PLXDC2: variants seen among roughly 807,000 people sequenced by gnomAD.
PLXDC2 encodes plexin domain-containing protein 2.
PLXDC2 carries 40 observed loss-of-function variants against 68.9 expected under a neutral mutation model. The observed-to-expected ratio is 0.58, with a 90% CI of 0.45 to 0.76. The LOEUF (loss-of-function observed/expected upper bound fraction) is 0.76, where lower values mean the gene tolerates loss of function less well. Ranked by LOEUF, PLXDC2 falls within the 30% of genes least tolerant of loss-of-function variation. PLXDC2 has a pLI of 0.00. For missense variants in PLXDC2, 644 were observed against 661.9 expected (o/e 0.97, Z 0.30); for synonymous variants, 243 against 234.2 (o/e 1.04, Z -0.34).
At chr10:20,051,325 A>G (rs1179096619) in intron 3 of PLXDC2, among the ~76,000 whole-genome samples, 2 of 150,330 alleles carry the variant, frequency 1.3e-5, no homozygotes, top group Non-Finnish European at 3.0e-5. Flanking sequence ...CCATACAACA[A>G]ATTCCTATAA....
At chr10:20,201,259 T>A (rs1834913463) in intron 9 of PLXDC2, among the ~76,000 whole-genome samples, 1 of 152,062 alleles carries the variant, frequency 6.6e-6, no homozygotes, top group Non-Finnish European at 1.5e-5. Flanking sequence ...GGACATTACA[T>A]TAAGTGTTTC....
chr10:20,098,159 G>T (rs1433869775), intron 4 of PLXDC2, among the ~76,000 whole-genome samples: 7 of 151,976 alleles, frequency 4.6e-5, no homozygotes, highest in African/African-American at 1.7e-4. Flanking sequence ...AGTTCTGGAG[G>T]CCAGAAGTCC....
Position 19,907,304 on chromosome 10 carries a change from C to G in PLXDC2, c.112+90113C>G, listed in dbSNP as rs11011666. 5.9e-5 allele frequency among the ~76,000 whole-genome samples: 9 copies of G among 152,304 alleles called. No individual in the cohort carries two copies. In the East Asian group the frequency reaches 1.5e-3, roughly 26 times the overall value. ...AAGCTTAAGGTTTAACCACTTGTGT[C>G]TTATTATCCAGAAGTAACATTGACT... On this transcript the variant is annotated intron_variant, in intron 1 of 13. Coordinates refer to ENST00000377252, the MANE Select transcript of PLXDC2 (RefSeq NM_032812.9).
chr10:20,061,316 A>G (rs546719766), intron 3 of PLXDC2, among the ~76,000 whole-genome samples: 2 of 152,164 alleles, frequency 1.3e-5, no homozygotes, highest in Non-Finnish European at 2.9e-5. Flanking sequence ...AACATGACAC[A>G]CTTAAAGAGT....
chr10:20,043,269 G>A (rs1835716353), intron 2 of PLXDC2: 1 of 152,028 alleles, frequency 6.6e-6, no homozygotes, highest in Non-Finnish European at 1.5e-5. Context: ...GGCAAGCGTG[G>A]GCTCTAGAAG....
rs11011657 is a variant in PLXDC2, at chr10:19,887,199, C to T, written c.112+70008C>T. ...AGTATGGATCAGTTATTCATTAAAACATAATAGTAGAGAAGCTAGTGACTG... is the reference window on the plus strand; with the variant it reads ...AGTATGGATCAGTTATTCATTAAAATATAATAGTAGAGAAGCTAGTGACTG... On this transcript the variant is annotated intron_variant, in intron 1 of 13. Coordinates refer to ENST00000377252, the MANE Select transcript of PLXDC2 (RefSeq NM_032812.9). 9.3e-3 allele frequency among the ~76,000 whole-genome samples: 1,412 copies of T among 152,224 alleles called. 21 individuals are homozygous for T. The highest frequency in any genetic ancestry group is 0.033 in the African/African-American group (1,369 of 41,542).
At chr10:20,002,222 A>C (rs1228532231) in intron 2 of PLXDC2, among the ~76,000 whole-genome samples, 5 of 151,792 alleles carry the variant, frequency 3.3e-5, no homozygotes, top group Non-Finnish European at 5.9e-5. Context: ...TGAGGCATCA[A>C]TACTGTGCCT....
intron 9 of PLXDC2, among the ~76,000 whole-genome samples, chr10:20,182,071 T>TTGTGTGTGTGTGTG (rs111252782): frequency 0.029 from 4,209 of 146,492 alleles, 106 homozygotes; most frequent in African/African-American, 0.068. Flanking sequence ...AACCGGTTAT[T>TTGTGTGTGTGTGTG]TGTGTGTGTG....
chr10:20,206,379 G>T (rs1007536013), intron 9 of PLXDC2, among the ~76,000 whole-genome samples: 1 of 152,054 alleles, frequency 6.6e-6, no homozygotes, highest in Admixed American at 6.6e-5. Flanking sequence ...TCTGAGCAAG[G>T]GTTGCTGAAT....
chr10:20,208,707 A>G (rs1413019927), intron 9 of PLXDC2, among the ~76,000 whole-genome samples: 2 of 152,154 alleles, frequency 1.3e-5, no homozygotes, highest in South Asian at 2.1e-4. Context: ...TAATTAAGAC[A>G]TAAGTATCGG....
chr10:20,206,510 GA>G (rs1274345700), intron 9 of PLXDC2, among the ~76,000 whole-genome samples: 1 of 152,018 alleles, frequency 6.6e-6, no homozygotes, highest in Non-Finnish European at 1.5e-5. Flanking sequence ...AGTCATGAAA[GA>G]GCACAGCACC....
In PLXDC2 at chr10:20,262,903, G is replaced by A. The variant is rs192403259; in HGVS notation, c.1474-16800G>A. Reference sequence around the variant, plus strand: ...AGCCACCTCTTGCCAGATATACTGAGCCATTACCAACTCAGCAACTCCCTG... The same window carrying A: ...AGCCACCTCTTGCCAGATATACTGAACCATTACCAACTCAGCAACTCCCTG... On this transcript the variant is annotated intron_variant, in intron 13 of 13. Coordinates refer to ENST00000377252, the MANE Select transcript of PLXDC2 (RefSeq NM_032812.9). Among the ~76,000 whole-genome samples, 32 of 152,302 alleles carry A rather than the reference G, an allele frequency of 2.1e-4. No individual in the cohort carries two copies. The East Asian group carries it at 6.0e-3, about 29-fold the overall frequency.
intron 1 of PLXDC2, among the ~76,000 whole-genome samples, chr10:19,950,702 T>A (rs2131406337): frequency 6.6e-6 from 1 of 152,200 alleles, no homozygotes; most frequent in East Asian, 1.9e-4. Flanking sequence ...AAAGCAACCC[T>A]CAGCAAAAAG....
chr10:19,823,607 G>T (rs117701257), intron 1 of PLXDC2, among the ~76,000 whole-genome samples: 2 of 151,656 alleles, frequency 1.3e-5, no homozygotes, highest in East Asian at 3.9e-4. Context: ...CGCTTGACCC[G>T]GGAGGTGGAG....
intron 9 of PLXDC2, among the ~76,000 whole-genome samples, chr10:20,183,211 C>T (rs1834631606): frequency 6.6e-6 from 1 of 151,776 alleles, no homozygotes; most frequent in African/African-American, 2.4e-5. Flanking sequence ...CCAGGAATTC[C>T]AAGAAAGGCT....
chr10:19,916,306 T>C (rs369810994), intron 1 of PLXDC2, among the ~76,000 whole-genome samples: 4 of 115,902 alleles, frequency 3.5e-5, no homozygotes, highest in Admixed American at 1.7e-4. Flanking sequence ...TCACCACGCC[T>C]GGCTCATTTT....
intron 1 of PLXDC2, among the ~76,000 whole-genome samples, chr10:19,901,496 T>C (rs1236374211): frequency 1.3e-5 from 2 of 152,216 alleles, no homozygotes; most frequent in African/African-American, 4.8e-5. Context: ...TGTCTATTCG[T>C]GTCCTTAGCC....
chr10:20,180,030 GA>G (rs756015605), intron 9 of PLXDC2, among the ~76,000 whole-genome samples: 41 of 152,006 alleles, frequency 2.7e-4, no homozygotes, highest in Non-Finnish European at 5.7e-4. Flanking sequence ...ACATATTACT[GA>G]AAAATAAATC....
intron 4 of PLXDC2, among the ~76,000 whole-genome samples, chr10:20,123,555 G>C (rs1372781961): frequency 2.0e-5 from 3 of 152,124 alleles, no homozygotes; most frequent in African/African-American, 7.2e-5. Context: ...TTAGATTTTA[G>C]GTCAGGTGAG....
Sources: allele counts gnomAD v4.1 joint callset (sites outside exome capture counted in the v4.1 genomes callset), GRCh38; gene constraint gnomAD v4.1.1; transcripts MANE v1.5; gene names NCBI Gene and HGNC (gene_info 2026-07-23, HGNC 2026-07-21).